Variants in IMMP2L observed in about 807,000 individuals in gnomAD.
IMMP2L encodes inner mitochondrial membrane peptidase subunit 2, also known as mitochondrial inner membrane protease subunit 2.
A neutral mutation model predicts 19.3 loss-of-function variants in IMMP2L; 18 were observed. The observed-to-expected ratio is 0.93, with a 90% CI of 0.64 to 1.38. The LOEUF (loss-of-function observed/expected upper bound fraction) is 1.38. IMMP2L is among the 40% of genes most tolerant of loss of function. The pLI is 0.00. For synonymous variants in IMMP2L, 76 were observed against 73.0 expected, an observed-to-expected ratio of 1.04 and a Z score of -0.21; for missense variants, 233 against 218.2, an observed-to-expected ratio of 1.07 and a Z score of -0.43.
intron 3 of IMMP2L, among the ~76,000 whole-genome samples, chr7:110,969,201 C>T (rs1585506403): frequency 6.6e-6 from 1 of 152,064 alleles, no homozygotes; most frequent in African/African-American, 2.4e-5. Context: ...TGTACACTTG[C>T]TTCACTATCA....
chr7:111,182,381 A>C (rs1807803975), intron 3 of IMMP2L, among the ~76,000 whole-genome samples: 1 of 151,958 alleles, frequency 6.6e-6, no homozygotes, highest in Non-Finnish European at 1.5e-5. Context: ...CAAGGTCTCA[A>C]AAGAATTTGG....
chr7:111,157,211 A>G (rs1804736750), intron 3 of IMMP2L, among the ~76,000 whole-genome samples: 1 of 152,060 alleles, frequency 6.6e-6, no homozygotes, highest in Admixed American at 6.6e-5. Context: ...ATGATCCAGT[A>G]CTCCCACTGC....
At chr7:111,030,164 C>G (rs1411924712) in intron 3 of IMMP2L, among the ~76,000 whole-genome samples, 1 of 152,086 alleles carries the variant, frequency 6.6e-6, no homozygotes, top group African/African-American at 2.4e-5. Context: ...GTGCAGAGTT[C>G]AGGATTGAAC....
chr7:111,088,403 A>G (rs1401127411), intron 3 of IMMP2L, among the ~76,000 whole-genome samples: 1 of 152,204 alleles, frequency 6.6e-6, no homozygotes, highest in Non-Finnish European at 1.5e-5. Flanking sequence ...TGTGGTTTAC[A>G]ATGTGAAATT....
intron 5 of IMMP2L, among the ~76,000 whole-genome samples, chr7:110,671,289 T>TACATATATGCTATTA (rs1791899526): frequency 6.6e-6 from 1 of 152,222 alleles, no homozygotes; most frequent in Non-Finnish European, 1.5e-5. Flanking sequence ...ATGTTAAAAT[T>TACATATATGCTATTA]ACATATATGC....
At chr7:111,299,813 T>G (rs1484286741) in intron 3 of IMMP2L, among the ~76,000 whole-genome samples, 1 of 152,006 alleles carries the variant, frequency 6.6e-6, no homozygotes, top group African/African-American at 2.4e-5. Flanking sequence ...CACATAGAAT[T>G]TATTGTCTAG....
intron 3 of IMMP2L, among the ~76,000 whole-genome samples, chr7:111,207,534 GTTTTTTTTTT>G (rs376864629): frequency 2.2e-5 from 2 of 90,100 alleles, no homozygotes; most frequent in Non-Finnish European, 4.1e-5. Flanking sequence ...TTTATTTTTG[GTTTTTTTTTT>G]TTTTTTTTTT....
intron 3 of IMMP2L, among the ~76,000 whole-genome samples, chr7:111,271,138 G>A (rs961923763): frequency 2.6e-5 from 4 of 152,054 alleles, no homozygotes; most frequent in Non-Finnish European, 5.9e-5. Context: ...AGATCTAATG[G>A]TTTTATAAGG....
Position 110,662,717 on chromosome 7 carries a change from G to A in IMMP2L, c.*885C>T, listed in dbSNP as rs898154203. ...TGATTCTACTGTAACTTTGCAATTG[G>A]TGATTTCAGTATTACAGACGTGAAT... On this transcript the variant is annotated 3_prime_UTR_variant, in exon 6 of 6. Transcript: ENST00000405709. 6.6e-6 allele frequency among the ~76,000 whole-genome samples: 1 copy of A among 152,174 alleles called. No homozygotes were observed. Among genetic ancestry groups the A allele is most frequent in the Non-Finnish European group, 1.5e-5 (1 of 68,028 alleles).
chr7:110,832,847 GA>G (rs531805209), intron 5 of IMMP2L, among the ~76,000 whole-genome samples: 70 of 152,268 alleles, frequency 4.6e-4, no homozygotes, highest in African/African-American at 1.6e-3. Flanking sequence ...AATAGACACA[GA>G]AGTCGTGATG....
intron 3 of IMMP2L, among the ~76,000 whole-genome samples, chr7:110,993,045 T>C (rs771284323): frequency 6.6e-6 from 1 of 152,126 alleles, no homozygotes; most frequent in Non-Finnish European, 1.5e-5. Context: ...GAAAACAAAA[T>C]GTATATTGCA....
At chr7:111,502,979 A>C (rs1296048072) in intron 2 of IMMP2L, among the ~76,000 whole-genome samples, 1 of 151,124 alleles carries the variant, frequency 6.6e-6, no homozygotes, top group Admixed American at 6.6e-5. Flanking sequence ...TCAGAGCAGA[A>C]CTGAAGGAAA....
chr7:111,553,614 C>A (rs1437565300), intron 1 of IMMP2L, among the ~76,000 whole-genome samples: 1 of 152,122 alleles, frequency 6.6e-6, no homozygotes, highest in Non-Finnish European at 1.5e-5. Flanking sequence ...TTACAATAAG[C>A]ATCTGTGTAA....
intron 3 of IMMP2L, among the ~76,000 whole-genome samples, chr7:111,358,353 CT>C (rs1828923388): frequency 6.6e-6 from 1 of 151,658 alleles, no homozygotes; most frequent in South Asian, 2.1e-4. Flanking sequence ...ATGAAAGCAT[CT>C]TTTGCCATCA....
chr7:111,459,699 TTC>T (rs1446205973), intron 3 of IMMP2L, among the ~76,000 whole-genome samples: 2 of 152,120 alleles, frequency 1.3e-5, no homozygotes, highest in East Asian at 1.9e-4. Context: ...AGGCAAAAGT[TTC>T]TGTTACTATT....
intron 3 of IMMP2L, among the ~76,000 whole-genome samples, chr7:111,327,314 G>C (rs568833873): frequency 2.0e-5 from 3 of 151,750 alleles, no homozygotes. Context: ...ATTCATGTAA[G>C]AGAAAATATT....
intron 5 of IMMP2L, among the ~76,000 whole-genome samples, chr7:110,881,252 T>C (rs760730540): frequency 6.6e-6 from 1 of 152,172 alleles, no homozygotes; most frequent in Non-Finnish European, 1.5e-5. Context: ...TAATGGTATC[T>C]CCTTTAAGTG....
chr7:110,728,809 C>G lies in IMMP2L; in HGVS notation c.409-65088G>C, dbSNP rs1391286808. Reference sequence around the variant, plus strand: ...TTCGTGAGGTGGCTACAATCATTACCCCCATTAAATGATGAAAAACTAGGA... The same window carrying G: ...TTCGTGAGGTGGCTACAATCATTACGCCCATTAAATGATGAAAAACTAGGA... On this transcript the variant is annotated intron_variant, in intron 5 of 5. Coordinates refer to ENST00000405709, the MANE Select transcript of IMMP2L (RefSeq NM_032549.4). The surrounding 1 kb of genome is among the most constrained non-coding windows in gnomAD (Gnocchi z 4.6). 6.6e-6 allele frequency among the ~76,000 whole-genome samples: 1 copy of G among 152,106 alleles called. No individual in the cohort carries two copies. The highest frequency in any genetic ancestry group is 1.9e-4 in the East Asian group (1 of 5,184).
chr7:111,306,008 A>T (rs559055331), intron 3 of IMMP2L, among the ~76,000 whole-genome samples: 1 of 152,308 alleles, frequency 6.6e-6, no homozygotes, highest in African/African-American at 2.4e-5. Flanking sequence ...ATATCATGAA[A>T]TGTAAAAAAG....
Sources: gnomAD v4.1 joint callset for allele counts (sites outside exome capture counted in the v4.1 genomes callset) on GRCh38, gnomAD v4.1.1 for gene constraint, Gnocchi (gnomAD v3.1) non-coding constraint, MANE v1.5 for transcripts, NCBI Gene and HGNC (gene_info 2026-07-23, HGNC 2026-07-21) for gene names.